The following GFI1B variants were observed in gnomAD, a reference collection of about 807,000 sequenced individuals.
GFI1B encodes the protein zinc finger protein Gfi-1b.
GFI1B carries 20 observed loss-of-function variants against 35.3 expected under a neutral mutation model. That is an observed-to-expected ratio of 0.57 (90% CI 0.40 to 0.82). The LOEUF is 0.82. Ranked by LOEUF, GFI1B falls within the 40% of genes least tolerant of loss-of-function variation. The pLI is 0.00. For missense variants in GFI1B, 430 were observed against 446.3 expected (o/e 0.96, Z 0.33); for synonymous variants, 178 against 177.6 (o/e 1.00, Z -0.02).
intron 2 of GFI1B, among the ~76,000 whole-genome samples, chr9:132,973,187 G>A (rs192257134): frequency 3.3e-5 from 5 of 152,352 alleles, no homozygotes; most frequent in African/African-American, 1.2e-4. Flanking sequence ...GCTGTCCTGG[G>A]CCAAGGCCAG....
At chr9:132,992,493 T>C (rs889945949), downstream of GFI1B, among the ~76,000 whole-genome samples, 4 of 152,168 alleles carry the variant, frequency 2.6e-5, no homozygotes, top group Non-Finnish European at 5.9e-5. Flanking sequence ...CTTCCTCCTC[T>C]GTAAAATGGT....
intron 1 of GFI1B, among the ~76,000 whole-genome samples, chr9:132,961,432 AAAC>A (rs1274920091): frequency 2.0e-5 from 3 of 151,818 alleles, no homozygotes; most frequent in African/African-American, 7.2e-5. Context: ...CAAAAAAAAA[AAAC>A]AACAGAAAAA....
chr9:132,954,784 T>C (rs1039156377), intron 1 of GFI1B, among the ~76,000 whole-genome samples: 1 of 151,150 alleles, frequency 6.6e-6, no homozygotes, highest in African/African-American at 2.4e-5. Context: ...AGTGGCGCAA[T>C]CTCGACTCAC....
At chr9:132,991,835 C>T (rs1021413940), downstream of GFI1B, 3 of 152,186 alleles carry the variant, frequency 2.0e-5, no homozygotes, top group South Asian at 2.1e-4. Context: ...TACTCAGCCC[C>T]CACGTGCACA....
upstream of GFI1B, among the ~76,000 whole-genome samples, chr9:132,975,707 C>G (rs916548758): frequency 6.6e-6 from 1 of 152,176 alleles, no homozygotes; most frequent in Non-Finnish European, 1.5e-5. Flanking sequence ...AAGGAAAGAG[C>G]TGATACACGA....
intron 1 of GFI1B, among the ~76,000 whole-genome samples, chr9:132,967,969 A>C (rs1588416438): frequency 6.6e-6 from 1 of 152,148 alleles, no homozygotes; most frequent in Non-Finnish European, 1.5e-5. Flanking sequence ...TTTAGTAGAG[A>C]TGGGGTTTCA....
At chr9:132,988,769 G>A (rs1014298573) in intron 4 of GFI1B, among the ~76,000 whole-genome samples, 1 of 152,120 alleles carries the variant, frequency 6.6e-6, no homozygotes, top group Non-Finnish European at 1.5e-5. Context: ...ACCCAGCTTC[G>A]GCCAACTCCC....
At chr9:132,962,358 C>T (rs1333213075) in intron 1 of GFI1B, among the ~76,000 whole-genome samples, 1 of 152,004 alleles carries the variant, frequency 6.6e-6, no homozygotes, top group Non-Finnish European at 1.5e-5. Context: ...AGGCTGGTCT[C>T]AAACTCCTGA....
intron 1 of GFI1B, among the ~76,000 whole-genome samples, chr9:132,960,839 G>A (rs1848350543): frequency 6.6e-6 from 1 of 151,760 alleles, no homozygotes; most frequent in Non-Finnish European, 1.5e-5. Context: ...TTGTCTTCTT[G>A]GGTAGGCCAC....
At chr9:132,960,660 A>G (rs1032243107) in intron 1 of GFI1B, among the ~76,000 whole-genome samples, 10 of 151,572 alleles carry the variant, frequency 6.6e-5, no homozygotes, top group African/African-American at 2.4e-4. Context: ...CTACACCCGG[A>G]TACTTTTTTT....
Position 132,987,343 on chromosome 9 carries a change from C to A in GFI1B, c.162C>A (p.Cys54Ter). ...PVLSTLFPNQ[C>*]LDWTNLKREP... Reference sequence around the variant, plus strand: ...TTAGCACTCTATTCCCAAACCAGTGCCTGGACTGGACCAACCTCAAACGAG... The same window carrying A: ...TTAGCACTCTATTCCCAAACCAGTGACTGGACTGGACCAACCTCAAACGAG... The change falls in exon 3 of 7, where the codon TGC (cysteine) becomes TGA (stop). Residue 54 changes from cysteine (C) to a stop codon, truncating the protein, a stop_gained. Transcript: ENST00000372122. LOFTEE classifies it high-confidence loss of function. The A allele has an allele frequency of 6.2e-7, 1 of 1,614,204 alleles. No homozygotes were observed. The highest frequency in any genetic ancestry group is 8.5e-7 in the Non-Finnish European group (1 of 1,180,002).
chr9:132,986,774 C>A lies in GFI1B; in HGVS notation c.96C>A (p.Thr32=), dbSNP rs1413835373. Residue 32 remains threonine (T), a synonymous_variant, in exon 2 of 7, where the codon ACC becomes ACA. Coordinates refer to ENST00000372122, the MANE Select transcript of GFI1B (RefSeq NM_001377304.1). ...EDEPLWPPAL[T]PVPRDQAPSN... is the part of the protein sequence containing the mutation. Reference sequence around the variant, plus strand: ...AACCGCTCTGGCCTCCTGCCCTTACCCCGGGTGAGTCAGAGCCCGGGCTGG... The same window carrying A: ...AACCGCTCTGGCCTCCTGCCCTTACACCGGGTGAGTCAGAGCCCGGGCTGG... 6.2e-7 allele frequency: 1 copy of A among 1,605,526 alleles called. No individual in the cohort carries two copies. The highest frequency in any genetic ancestry group is 1.3e-5 in the African/African-American group (1 of 74,804).
At chr9:132,987,633 C>T (rs1335705902) in intron 3 of GFI1B, among the ~76,000 whole-genome samples, 3 of 152,128 alleles carry the variant, frequency 2.0e-5, no homozygotes, top group Non-Finnish European at 2.9e-5. Context: ...CCAGAAGCAG[C>T]AGCTGGGCCG....
upstream of GFI1B, among the ~76,000 whole-genome samples, chr9:132,977,157 A>T (rs566637335): frequency 1.9e-4 from 29 of 152,206 alleles, no homozygotes. Flanking sequence ...GGGTTTCTCC[A>T]TGTTGGTCAG....
intron 1 of GFI1B, chr9:132,952,056 A>G (rs1182561956): frequency 2.0e-5 from 3 of 152,112 alleles, no homozygotes; most frequent in African/African-American, 7.2e-5. Flanking sequence ...GGCGTGAGCC[A>G]CCATGCCTGA....
chr9:132,947,412 CAAA>C (rs35035214), intron 1 of GFI1B, among the ~76,000 whole-genome samples: 32 of 95,922 alleles, frequency 3.3e-4, no homozygotes, highest in Non-Finnish European at 4.2e-4. Flanking sequence ...TTTAATCGAG[CAAA>C]AAAAAAAAAA....
chr9:132,968,598 A>G (rs1848486218), intron 1 of GFI1B, among the ~76,000 whole-genome samples: 1 of 152,150 alleles, frequency 6.6e-6, no homozygotes. Flanking sequence ...AATTTTATAT[A>G]ATATAAATGT....
intron 1 of GFI1B, among the ~76,000 whole-genome samples, chr9:132,981,798 G>A (rs1848830309): frequency 6.6e-6 from 1 of 151,980 alleles, no homozygotes; most frequent in African/African-American, 2.4e-5. Flanking sequence ...TGTCACCCAG[G>A]CTGGAGTGCA....
At chr9:132,949,173 C>A (rs1286805878) in intron 1 of GFI1B, among the ~76,000 whole-genome samples, 1 of 152,058 alleles carries the variant, frequency 6.6e-6, no homozygotes, top group Non-Finnish European at 1.5e-5. Context: ...GAGGGTGTTA[C>A]TGTTTCCCAC....
Sources: allele counts gnomAD v4.1 joint callset (sites outside exome capture counted in the v4.1 genomes callset), GRCh38; gene constraint gnomAD v4.1.1; transcripts MANE v1.5; gene names NCBI Gene and HGNC (gene_info 2026-07-23, HGNC 2026-07-21).